The following RAB38 variants were observed in gnomAD, a reference collection of about 807,000 sequenced individuals.
RAB38 encodes ras-related protein Rab-38.
In RAB38, 15 loss-of-function variants were observed where a neutral mutation model predicts 18.4. The ratio of observed to expected loss-of-function variants is 0.82; its 90% CI spans 0.55 to 1.26. The LOEUF (loss-of-function observed/expected upper bound fraction) is 1.26. RAB38 is among the 50% of genes most tolerant of loss of function. The probability of loss-of-function intolerance (pLI) is 0.00; values close to 1 mark genes in which losing one functional copy is unlikely to be tolerated. For missense variants in RAB38, 294 were observed against 267.4 expected, an observed-to-expected ratio of 1.10 and a Z score of -0.69; for synonymous variants, 101 against 104.4, an observed-to-expected ratio of 0.97 and a Z score of 0.20.
the RAB38 span, among the ~76,000 whole-genome samples, chr11:87,840,351 A>T: frequency 6.6e-6 from 1 of 152,256 alleles, no homozygotes; most frequent in South Asian, 2.1e-4. Context: ...GTAAGCAAAT[A>T]GTATAAAACT....
At chr11:88,053,411 A>G in the RAB38 span, among the ~76,000 whole-genome samples, 1 of 104,530 alleles carries the variant, frequency 9.6e-6, no homozygotes, top group Non-Finnish European at 2.1e-5. Context: ...GAATATATAT[A>G]TATACACACA....
chr11:87,837,824 C>T, the RAB38 span, among the ~76,000 whole-genome samples: 150 of 152,282 alleles, frequency 9.9e-4, no homozygotes, highest in African/African-American at 3.5e-3. Flanking sequence ...GGTAGCCATT[C>T]ACCTAAGGGA....
chr11:87,954,547 CAGCCTTGTTGAGAAAT>C, the RAB38 span, among the ~76,000 whole-genome samples: 84 of 151,746 alleles, frequency 5.5e-4, no homozygotes, highest in African/African-American at 1.9e-3. Context: ...AGAGAAGGAA[CAGCCTTGTTGAGAAAT>C]TTCTGTGCCT....
the RAB38 span, among the ~76,000 whole-genome samples, chr11:88,070,352 GA>G: frequency 2.0e-5 from 3 of 152,252 alleles, 1 homozygote; most frequent in Middle Eastern, 6.8e-3. Context: ...AAGAAACTCT[GA>G]ACACGTTTGA....
At chr11:87,837,546 T>C in the RAB38 span, among the ~76,000 whole-genome samples, 1 of 152,224 alleles carries the variant, frequency 6.6e-6, no homozygotes, top group African/African-American at 2.4e-5. Context: ...ATAAGTGTCA[T>C]AAACAATGGC....
chr11:87,856,784 T>C, the RAB38 span, among the ~76,000 whole-genome samples: 1 of 152,136 alleles, frequency 6.6e-6, no homozygotes, highest in East Asian at 1.9e-4. Flanking sequence ...TACTTGTAAA[T>C]GAAATAAAGT....
the RAB38 span, among the ~76,000 whole-genome samples, chr11:87,923,772 T>C: frequency 8.5e-5 from 13 of 152,076 alleles, no homozygotes; most frequent in South Asian, 2.7e-3. Context: ...AGCAAGGCAC[T>C]GCACAGATGC....
chr11:88,155,472 A>T (rs1306418468), intron 1 of RAB38, among the ~76,000 whole-genome samples: 2 of 152,236 alleles, frequency 1.3e-5, no homozygotes, highest in African/African-American at 2.4e-5. Context: ...AGCAGGGCAA[A>T]GGAAAAGGAA....
At chr11:87,832,561 A>G in the RAB38 span, among the ~76,000 whole-genome samples, 4 of 152,230 alleles carry the variant, frequency 2.6e-5, no homozygotes, top group African/African-American at 9.6e-5. Flanking sequence ...TTCGCTGTCC[A>G]CTGGGGGCCT....
At chr11:87,961,750 T>C in the RAB38 span, among the ~76,000 whole-genome samples, 8 of 152,146 alleles carry the variant, frequency 5.3e-5, no homozygotes, top group Admixed American at 5.2e-4. Context: ...CACTGTTGGG[T>C]AGCCACAGAC....
the RAB38 span, among the ~76,000 whole-genome samples, chr11:87,923,619 A>G: frequency 6.6e-6 from 1 of 151,680 alleles, no homozygotes; most frequent in African/African-American, 2.4e-5. Flanking sequence ...TAATGCAGAT[A>G]CATTTTTTAA....
the RAB38 span, among the ~76,000 whole-genome samples, chr11:88,072,974 G>A: frequency 1.3e-3 from 204 of 152,188 alleles, 2 homozygotes; most frequent in African/African-American, 4.1e-3. Flanking sequence ...AAAACTCAGA[G>A]CGAACAATAA....
intron 2 of RAB38, among the ~76,000 whole-genome samples, chr11:88,128,099 A>G (rs1017851601): frequency 6.6e-6 from 1 of 152,226 alleles, no homozygotes; most frequent in Admixed American, 6.5e-5. Context: ...ATTACACCGA[A>G]TCTCTTTATA....
At chr11:87,832,509 C>A in the RAB38 span, among the ~76,000 whole-genome samples, 11 of 152,140 alleles carry the variant, frequency 7.2e-5, no homozygotes, top group African/African-American at 2.2e-4. Context: ...TTGGCAGAAT[C>A]TAGTTCCTTG....
At chr11:88,096,364 C>T in the RAB38 span, among the ~76,000 whole-genome samples, 5 of 151,786 alleles carry the variant, frequency 3.3e-5, no homozygotes, top group African/African-American at 7.3e-5. Flanking sequence ...TCAATTCCCC[C>T]GGTTCTCTGC....
the RAB38 span, among the ~76,000 whole-genome samples, chr11:87,958,084 C>A: frequency 2.6e-5 from 4 of 152,206 alleles, no homozygotes; most frequent in East Asian, 7.7e-4. Context: ...GAATTTTGAT[C>A]TCTTCCCAGG....
the RAB38 span, among the ~76,000 whole-genome samples, chr11:87,947,401 C>T: frequency 2.0e-5 from 3 of 152,114 alleles, no homozygotes; most frequent in Admixed American, 6.6e-5. Context: ...AATTAGATCC[C>T]ATTTGTCAAT....
the RAB38 span, among the ~76,000 whole-genome samples, chr11:88,097,544 T>G: frequency 3.2e-4 from 49 of 151,804 alleles, no homozygotes; most frequent in Non-Finnish European, 5.5e-4. Context: ...CCCCTCACAG[T>G]ATTGTGTGCC....
chr11:88,045,587 C>T, the RAB38 span, among the ~76,000 whole-genome samples: 4 of 152,218 alleles, frequency 2.6e-5, no homozygotes, highest in Non-Finnish European at 5.9e-5. Flanking sequence ...CTGGCAGCCA[C>T]TCCCAGAGCC....
Sources: gnomAD v4.1 joint callset for allele counts (sites outside exome capture counted in the v4.1 genomes callset) on GRCh38, gnomAD v4.1.1 for gene constraint, MANE v1.5 for transcripts, NCBI Gene and HGNC (gene_info 2026-07-23, HGNC 2026-07-21) for gene names.